ADAM29: variants seen among roughly 807,000 people sequenced by gnomAD.
ADAM29 encodes ADAM metallopeptidase domain 29.
For synonymous variants in ADAM29, 367 were observed against 342.3 expected (o/e 1.07, Z -0.80); for missense variants, 969 against 1,001.8 (o/e 0.97, Z 0.44).
intron 4 of ADAM29, among the ~76,000 whole-genome samples, chr4:174,965,512 T>TATC (rs995113841): frequency 1.4e-4 from 22 of 151,884 alleles, no homozygotes; most frequent in African/African-American, 4.8e-4. Flanking sequence ...TCTATCTATC[T>TATC]ATCTATCTAT....
Position 174,976,552 on chromosome 4 carries a change from G to A in ADAM29, c.1027G>A (p.Asp343Asn), listed in dbSNP as rs760320174. 6.2e-7 allele frequency: 1 copy of A among 1,602,822 alleles called. No individual in the cohort carries two copies. The highest frequency in any genetic ancestry group is 8.5e-7 in the Non-Finnish European group (1 of 1,174,894). The change falls in exon 5 of 5, where the codon GAT becomes AAT. Residue 343 changes from aspartate to asparagine, a missense_variant. Transcript: ENST00000359240. ...AGGTCATAATTTGGGCATGAACCAT[G>A]ATGAGGATACATGTCGTTGTTCACA... is the stretch of plus-strand genomic sequence containing the variant. ...HLGHNLGMNH[D>N]EDTCRCSQPR...
chr4:174,967,406 A>C (rs1746214180), intron 4 of ADAM29, among the ~76,000 whole-genome samples: 1 of 152,136 alleles, frequency 6.6e-6, no homozygotes, highest in African/African-American at 2.4e-5. Flanking sequence ...ATGTGTCTGA[A>C]TACTTCATTT....
rs753936415 is a variant in ADAM29, at chr4:174,977,361, C to T, written c.1836C>T (p.His612=). 6.2e-7 allele frequency: 1 copy of T among 1,613,660 alleles called. No homozygotes were observed. Among genetic ancestry groups the T allele is most frequent in the Non-Finnish European group, 8.5e-7 (1 of 1,180,036 alleles). ...GTGGGATAGATCATATATGCATCCA[C>T]AGGCACTGTGTCCATATAACCATCT... is the stretch of plus-strand genomic sequence containing the variant. ...TECGIDHICI[H]RHCVHITILN... is the part of the protein sequence containing the mutation. The change falls in exon 5 of 5, where the codon CAC becomes CAT. Residue 612 remains histidine (H), a synonymous_variant. Coordinates refer to ENST00000359240, the MANE Select transcript of ADAM29 (RefSeq NM_014269.4).
At chr4:174,948,330 G>C (rs1744969590) in intron 4 of ADAM29, among the ~76,000 whole-genome samples, 1 of 152,146 alleles carries the variant, frequency 6.6e-6, no homozygotes, top group Non-Finnish European at 1.5e-5. Flanking sequence ...CCTTTGGATG[G>C]GGTATTTTGC....
At chr4:174,974,707 G>A (rs1746657220) in intron 4 of ADAM29, among the ~76,000 whole-genome samples, 1 of 152,120 alleles carries the variant, frequency 6.6e-6, no homozygotes, top group Admixed American at 6.6e-5. Flanking sequence ...ATTAAACCAG[G>A]CATTATATGA....
At chr4:174,954,239 A>G (rs13117236) in intron 4 of ADAM29, among the ~76,000 whole-genome samples, 8 of 151,748 alleles carry the variant, frequency 5.3e-5, no homozygotes, top group Admixed American at 5.2e-4. Flanking sequence ...AAATTCTTAT[A>G]ATCAGTCCCT....
chr4:174,971,525 A>G (rs1467022580), intron 4 of ADAM29, among the ~76,000 whole-genome samples: 2 of 152,162 alleles, frequency 1.3e-5, no homozygotes, highest in Admixed American at 1.3e-4. Flanking sequence ...CTTTGAATGT[A>G]TCATCCCACT....
chr4:174,924,897 G>C (rs1289116850), intron 2 of ADAM29, among the ~76,000 whole-genome samples: 1 of 152,200 alleles, frequency 6.6e-6, no homozygotes, highest in Non-Finnish European at 1.5e-5. Flanking sequence ...CTTTACATTA[G>C]AGAAATGGAC....
chr4:174,971,107 CTT>C (rs1746454426), intron 4 of ADAM29, among the ~76,000 whole-genome samples: 1 of 151,904 alleles, frequency 6.6e-6, no homozygotes, highest in African/African-American at 2.4e-5. Context: ...TGTCTTTTGA[CTT>C]TTATACTAGA....
chr4:174,937,176 T>C (rs1744250565), intron 4 of ADAM29, among the ~76,000 whole-genome samples, 163 bp downstream of exon 4: 1 of 152,010 alleles, frequency 6.6e-6, no homozygotes, highest in East Asian at 1.9e-4. Context: ...TGCCAATAAT[T>C]TCCATAGAGC....
chr4:174,943,485 G>C (rs549383181), intron 4 of ADAM29, among the ~76,000 whole-genome samples: 40 of 152,280 alleles, frequency 2.6e-4, no homozygotes, highest in Non-Finnish European at 5.4e-4. Flanking sequence ...AGGCAAAGGG[G>C]AAGCAAGTAA....
chr4:174,927,947 C>T (rs910179739), intron 2 of ADAM29, among the ~76,000 whole-genome samples: 1 of 152,134 alleles, frequency 6.6e-6, no homozygotes, highest in African/African-American at 2.4e-5. Context: ...TCTGAGCCAC[C>T]TTCTTTTGCT....
At chr4:174,927,785 G>A (rs1391428356) in intron 2 of ADAM29, among the ~76,000 whole-genome samples, 1 of 152,134 alleles carries the variant, frequency 6.6e-6, no homozygotes, top group African/African-American at 2.4e-5. Context: ...ATTCCTGGAT[G>A]TGGGAGTGGG....
chr4:174,933,506 C>G (rs1292845181), intron 3 of ADAM29, among the ~76,000 whole-genome samples: 1 of 152,014 alleles, frequency 6.6e-6, no homozygotes, highest in Non-Finnish European at 1.5e-5. Flanking sequence ...TTCAGGGGTA[C>G]ACGAGCATGT....
At chr4:174,954,371 C>T (rs1579053585) in intron 4 of ADAM29, among the ~76,000 whole-genome samples, 2 of 152,206 alleles carry the variant, frequency 1.3e-5, no homozygotes, top group South Asian at 4.2e-4. Context: ...TTATGTTTAA[C>T]ACTGTGGTCT....
intron 3 of ADAM29, among the ~76,000 whole-genome samples, 189 bp from the exon 4 acceptor site, chr4:174,936,744 A>G (rs1213296064): frequency 1.3e-5 from 2 of 151,958 alleles, no homozygotes; most frequent in African/African-American, 4.8e-5. Context: ...CACCAAAAAG[A>G]CATGGGCATG....
At chr4:174,936,821 T>C (rs1364107636) in intron 3 of ADAM29, 112 bp from the exon 4 acceptor site, 1 of 151,918 alleles carries the variant, frequency 6.6e-6, no homozygotes, top group Non-Finnish European at 1.5e-5. Flanking sequence ...GAAAAAATGA[T>C]TTGGAGAGTG....
chr4:174,973,321 T>C (rs1746575191), intron 4 of ADAM29, among the ~76,000 whole-genome samples: 1 of 152,158 alleles, frequency 6.6e-6, no homozygotes. Context: ...GAACTAGGGG[T>C]TCTCTTTCTG....
chr4:174,929,285 G>A (rs940583378), intron 2 of ADAM29, among the ~76,000 whole-genome samples: 3 of 152,100 alleles, frequency 2.0e-5, no homozygotes, highest in Non-Finnish European at 4.4e-5. Flanking sequence ...GAAGCATAAT[G>A]TTGACTTTCT....
Sources: allele counts gnomAD v4.1 joint callset (sites outside exome capture counted in the v4.1 genomes callset), GRCh38; gene constraint gnomAD v4.1.1; transcripts MANE v1.5; gene names NCBI Gene and HGNC (gene_info 2026-07-23, HGNC 2026-07-21).